The following GLRA3 variants were observed in gnomAD, a reference collection of about 807,000 sequenced individuals.
GLRA3 encodes the protein glycine receptor subunit alpha-3.
Under a neutral mutation model 60.4 loss-of-function variants are expected in GLRA3, and 44 were observed. The ratio of observed to expected loss-of-function variants is 0.73; its 90% CI spans 0.57 to 0.94. The LOEUF is 0.94. Among genes scored for constraint, GLRA3 ranks in the 40% least tolerant of loss-of-function variants. The probability of loss-of-function intolerance (pLI) is 0.00; values close to 1 mark genes in which losing one functional copy is unlikely to be tolerated. For missense variants in GLRA3, 508 were observed against 564.6 expected (o/e 0.90, Z 1.02); for synonymous variants, 223 against 192.9 (o/e 1.16, Z -1.29).
chr4:174,765,999 A>G (rs887369634), intron 3 of GLRA3, among the ~76,000 whole-genome samples: 1 of 151,652 alleles, frequency 6.6e-6, no homozygotes, highest in Non-Finnish European at 1.5e-5. Context: ...ATAGATTCCA[A>G]CACACACTCA....
intron 1 of GLRA3, among the ~76,000 whole-genome samples, chr4:174,825,168 A>AT (rs1050218321): frequency 2.6e-5 from 4 of 152,094 alleles, no homozygotes; most frequent in African/African-American, 4.8e-5. Flanking sequence ...TATAGCAAAG[A>AT]TTTTTTTAAA....
At chr4:174,704,363 T>G (rs1010401243) in intron 5 of GLRA3, among the ~76,000 whole-genome samples, 5 of 142,714 alleles carry the variant, frequency 3.5e-5, no homozygotes, top group Non-Finnish European at 7.8e-5. Context: ...ATAAAATGCT[T>G]TAAATTACAG....
intron 7 of GLRA3, among the ~76,000 whole-genome samples, 185 bp from the exon 8 acceptor site, chr4:174,659,382 T>C (rs1733347509): frequency 6.6e-6 from 1 of 152,302 alleles, no homozygotes; most frequent in African/African-American, 2.4e-5. Context: ...ATTATGAGCA[T>C]TTTGTTAATT....
At chr4:174,827,584 T>A (rs1410954653) in intron 1 of GLRA3, among the ~76,000 whole-genome samples, 2 of 151,854 alleles carry the variant, frequency 1.3e-5, no homozygotes, top group Admixed American at 1.3e-4. Flanking sequence ...AATTACTAGA[T>A]CATATCAAGA....
At chr4:174,678,172 A>G (rs747670274) in intron 6 of GLRA3, among the ~76,000 whole-genome samples, 9 of 152,190 alleles carry the variant, frequency 5.9e-5, no homozygotes, top group Non-Finnish European at 1.0e-4. Flanking sequence ...CATTTGTACT[A>G]TACACTTATG....
intron 9 of GLRA3, among the ~76,000 whole-genome samples, chr4:174,646,883 TG>T (rs1427729152): frequency 1.3e-5 from 2 of 152,172 alleles, no homozygotes; most frequent in African/African-American, 4.8e-5. Context: ...TCAGATCCTT[TG>T]AGACTCAATA....
rs1741091857 is a variant in GLRA3, at chr4:174,828,917, A to T, written c.-106T>A. ...ATCTAACCCCGCATGGTGTTGGTGT[A>T]GACTGATGCTTGGGAAGCTTCAGCA... On this transcript the variant is annotated 5_prime_UTR_variant, in exon 1 of 10. Transcript: ENST00000274093. 1.2e-6 allele frequency: 1 copy of T among 806,302 alleles called. No individual in the cohort carries two copies. The highest frequency in any genetic ancestry group is 2.2e-6 in the Non-Finnish European group (1 of 462,842). The allele number at this position is 806,302 out of a possible 1,614,324, so 49.9% of individuals were successfully genotyped here. A position where few individuals can be genotyped will look rare whatever the true frequency, so the allele number is the denominator to read the frequency against.
In GLRA3 at chr4:174,704,173, T is replaced by C. The variant is rs6839997; in HGVS notation, c.574+11315A>G. 9.1e-3 allele frequency among the ~76,000 whole-genome samples: 1,304 copies of C among 142,730 alleles called. 127 individuals carry two copies. Among genetic ancestry groups the C allele is most frequent in the African/African-American group, 0.031 (1,217 of 39,608 alleles). 93.6% of individuals were successfully genotyped at this position (142,730 alleles called of 152,430 possible). On this transcript the variant is annotated intron_variant, in intron 5 of 9. Coordinates refer to ENST00000274093, the MANE Select transcript of GLRA3 (RefSeq NM_006529.4). ...AGCCAGATGTAGTGGTGTATGTCTG[T>C]AGTCCCAGCTACTTGGGAAGCTGAG...
In GLRA3 at chr4:174,741,115, A is replaced by G. The variant is rs141592672; in HGVS notation, c.268-12417T>C. On this transcript the variant is annotated intron_variant, in intron 3 of 9. Coordinates refer to ENST00000274093, the MANE Select transcript of GLRA3 (RefSeq NM_006529.4). ...TATCTACGAGTGAGATTACTGGGTCATATTAAGTGCATGTTTACATTTAGA... is the reference window on the plus strand; with the variant it reads ...TATCTACGAGTGAGATTACTGGGTCGTATTAAGTGCATGTTTACATTTAGA... Among the ~76,000 whole-genome samples the G allele has an allele frequency of 2.1e-3, 327 of 152,344 alleles. 5 individuals carry two copies. Among genetic ancestry groups the G allele is most frequent in the Non-Finnish European group, 8.5e-4 (58 of 68,036 alleles).
intron 5 of GLRA3, among the ~76,000 whole-genome samples, chr4:174,703,211 A>G (rs1735390645): frequency 6.6e-6 from 1 of 152,182 alleles, no homozygotes; most frequent in Non-Finnish European, 1.5e-5. Flanking sequence ...CTGGATTGAG[A>G]GTGGAACATT....
intron 1 of GLRA3, among the ~76,000 whole-genome samples, chr4:174,815,264 G>A (rs76271481): frequency 0.01 from 1,568 of 152,296 alleles, 32 homozygotes; most frequent in African/African-American, 0.036. Context: ...TCCACATTGT[G>A]GCTTTGTGGG....
At chr4:174,780,742 T>C (rs1738834874) in intron 2 of GLRA3, among the ~76,000 whole-genome samples, 3 of 151,426 alleles carry the variant, frequency 2.0e-5, no homozygotes, top group Admixed American at 1.3e-4. Flanking sequence ...GGTAAAGGGA[T>C]CAATTCAACA....
intron 1 of GLRA3, among the ~76,000 whole-genome samples, chr4:174,822,145 TAC>T (rs1740765119): frequency 6.6e-6 from 1 of 152,174 alleles, no homozygotes; most frequent in African/African-American, 2.4e-5. Context: ...TCCACAGTGA[TAC>T]AGTGTTAAAA....
intron 3 of GLRA3, among the ~76,000 whole-genome samples, chr4:174,738,512 T>C (rs1314139344): frequency 6.6e-6 from 1 of 152,238 alleles, no homozygotes; most frequent in Non-Finnish European, 1.5e-5. Flanking sequence ...CTGTGAGTAT[T>C]ACCTTCTATT....
At chr4:174,716,011 G>T (rs1169346801) in intron 4 of GLRA3, among the ~76,000 whole-genome samples, 1 of 152,102 alleles carries the variant, frequency 6.6e-6, no homozygotes, top group Non-Finnish European at 1.5e-5. Context: ...AACGTCAAAA[G>T]GTATCTTTCC....
chr4:174,682,975 A>G (rs1579438847), intron 5 of GLRA3, 36 bp from the exon 6 acceptor site: 2 of 1,552,332 alleles, frequency 1.3e-6, no homozygotes. Context: ...AATAGTCTAA[A>G]AAGGGCATTC....
chr4:174,820,977 T>A (rs1740720576), intron 1 of GLRA3, among the ~76,000 whole-genome samples: 1 of 152,114 alleles, frequency 6.6e-6, no homozygotes, highest in Non-Finnish European at 1.5e-5. Context: ...AAGGAGAACA[T>A]CCAGAGCTAA....
At chr4:174,811,142 C>A (rs976408520) in intron 1 of GLRA3, among the ~76,000 whole-genome samples, 2 of 149,628 alleles carry the variant, frequency 1.3e-5, no homozygotes, top group South Asian at 2.1e-4. Context: ...CACACAGACA[C>A]AGACACACAC....
Position 174,792,362 on chromosome 4 carries a change from G to A in GLRA3, c.72-3419C>T, listed in dbSNP as rs148957424. Among the ~76,000 whole-genome samples the A allele has an allele frequency of 3.4e-3, 518 of 151,844 alleles. 3 individuals are homozygous for A. The highest frequency in any genetic ancestry group is 0.012 in the African/African-American group (494 of 41,372). On this transcript the variant is annotated intron_variant, in intron 1 of 9. Transcript: ENST00000274093. ...TTTTTTTTAATGATCTTTTCTTCACGTGTGTCTGTTCTAACTTCTTCTTAT... is the reference window on the plus strand; with the variant it reads ...TTTTTTTTAATGATCTTTTCTTCACATGTGTCTGTTCTAACTTCTTCTTAT...
Sources: allele counts gnomAD v4.1 joint callset (sites outside exome capture counted in the v4.1 genomes callset), GRCh38; gene constraint gnomAD v4.1.1; transcripts MANE v1.5; gene names NCBI Gene and HGNC (gene_info 2026-07-23, HGNC 2026-07-21).